Variants in AGTPBP1 observed in about 807,000 individuals in gnomAD.
AGTPBP1 encodes the protein cytosolic carboxypeptidase 1.
A neutral mutation model predicts 143.9 loss-of-function variants in AGTPBP1; 70 were observed. That is an observed-to-expected ratio of 0.49 (90% CI 0.40 to 0.59). The LOEUF (loss-of-function observed/expected upper bound fraction) is 0.59. Among genes scored for constraint, AGTPBP1 ranks in the 20% least tolerant of loss-of-function variants. AGTPBP1 has a pLI of 0.00. For missense variants in AGTPBP1, 1,229 were observed against 1,464.5 expected (o/e 0.84, Z 2.62); for synonymous variants, 463 against 500.2 (o/e 0.93, Z 0.99).
In AGTPBP1 at chr9:85,692,654, A is replaced by G. The variant is rs763018607; in HGVS notation, c.157+35T>C. 3.1e-6 allele frequency: 5 copies of G among 1,594,430 alleles called. No individual in the cohort carries two copies. In the South Asian group the frequency reaches 3.4e-5, roughly 11 times the overall value. ...GCATCCACTTTTAAAGAATTAAAAA[A>G]GCATTTCAAAAACAAAGAAGAGATC... On this transcript the variant is annotated intron_variant, in intron 3 of 25. Transcript: ENST00000357081.
At chr9:85,573,497 C>T (rs908504768) in intron 25 of AGTPBP1, among the ~76,000 whole-genome samples, 49 of 152,190 alleles carry the variant, frequency 3.2e-4, no homozygotes, top group Non-Finnish European at 5.9e-5. Flanking sequence ...CCCAAAGTGC[C>T]GAGATTGCAG....
intron 2 of AGTPBP1, among the ~76,000 whole-genome samples, chr9:85,705,217 T>TAAA (rs899175527): frequency 1.5e-5 from 2 of 131,700 alleles, no homozygotes; most frequent in Non-Finnish European, 3.3e-5. Flanking sequence ...CAAGAAACAT[T>TAAA]AAAAAAAAAA....
intron 2 of AGTPBP1, among the ~76,000 whole-genome samples, chr9:85,693,914 C>CAA (rs1836054550): frequency 6.6e-6 from 1 of 151,914 alleles, no homozygotes; most frequent in Non-Finnish European, 1.5e-5. Context: ...CAAATACTGG[C>CAA]AAAAAGAGCT....
At chr9:85,762,905 A>C in the AGTPBP1 span, among the ~76,000 whole-genome samples, 2 of 150,620 alleles carry the variant, frequency 1.3e-5, no homozygotes, top group Admixed American at 6.6e-5. Flanking sequence ...AGGGCCCAGC[A>C]AAATGAGTAC....
At chr9:85,548,773 C>A (rs1158038632) in intron 25 of AGTPBP1, among the ~76,000 whole-genome samples, 4 of 151,428 alleles carry the variant, frequency 2.6e-5, no homozygotes, top group African/African-American at 9.7e-5. Flanking sequence ...CCTCCGGGTT[C>A]AAGCAATTCT....
At chr9:85,731,452 T>G (rs975633486) in intron 1 of AGTPBP1, among the ~76,000 whole-genome samples, 3 of 152,018 alleles carry the variant, frequency 2.0e-5, no homozygotes, top group East Asian at 1.9e-4. Flanking sequence ...TTTGGTTTTT[T>G]TGTGTGTGTT....
Position 85,669,492 on chromosome 9 carries a change from G to T in AGTPBP1, c.655C>A (p.Leu219Ile). ...TTCAAAACATTTACTCACTTTATAA[G>T]ACTGGAATTCTTCTTACTAAATGGT... ...IGPFSKKNSSLIKVALDTLAA... is the reference protein window; with the variant it reads ...IGPFSKKNSSIIKVALDTLAA... The change falls in exon 8 of 26, where the codon CTT (leucine) becomes ATT (isoleucine). Residue 219 changes from leucine to isoleucine, a missense_variant. Leu to Ile is a conservative substitution (Grantham distance 5). This residue lies in a region of AGTPBP1 where 743 missense variants were observed against 812.2 expected (regional missense o/e 0.91). Transcript: ENST00000357081. 6.2e-7 allele frequency: 1 copy of T among 1,601,332 alleles called. No homozygotes were observed. The highest frequency in any genetic ancestry group is 1.1e-5 in the South Asian group (1 of 90,636).
At chr9:85,651,694 T>C (rs528085931) in intron 11 of AGTPBP1, among the ~76,000 whole-genome samples, 10 of 152,304 alleles carry the variant, frequency 6.6e-5, no homozygotes, top group Non-Finnish European at 1.0e-4. Context: ...CCTAAGAATA[T>C]GTCACCTTCA....
chr9:85,689,919 A>ATAT (rs1211749630), intron 3 of AGTPBP1, among the ~76,000 whole-genome samples: 3 of 128,488 alleles, frequency 2.3e-5, no homozygotes, highest in African/African-American at 6.4e-5. Context: ...AAAAAAAAAA[A>ATAT]AAAAAAATAT....
At chr9:85,609,677 G>T (rs1226854068) in intron 17 of AGTPBP1, among the ~76,000 whole-genome samples, 1 of 152,152 alleles carries the variant, frequency 6.6e-6, no homozygotes, top group Non-Finnish European at 1.5e-5. Context: ...AGCAAGATGG[G>T]CCTTGTGCCA....
the AGTPBP1 span, among the ~76,000 whole-genome samples, chr9:85,775,124 G>A: frequency 3.2e-4 from 49 of 152,000 alleles, no homozygotes; most frequent in African/African-American, 1.1e-3. Context: ...CCAACATGGC[G>A]AAACCCCATC....
intron 23 of AGTPBP1, among the ~76,000 whole-genome samples, chr9:85,584,192 T>C (rs1388446339): frequency 2.0e-5 from 3 of 152,158 alleles, no homozygotes; most frequent in Non-Finnish European, 4.4e-5. Flanking sequence ...ATCACTGAGC[T>C]CTACTAATCT....
chr9:85,621,269 CT>C lies in AGTPBP1; in HGVS notation c.2031del (p.Asp678IlefsTer5). 6.9e-7 allele frequency: 1 copy of C among 1,444,418 alleles called. No individual in the cohort carries two copies. Among genetic ancestry groups the C allele is most frequent in the Non-Finnish European group, 9.1e-7 (1 of 1,100,824 alleles). 89.5% of individuals were successfully genotyped at this position (1,444,418 alleles called of 1,614,324 possible). On this transcript the variant is annotated frameshift_variant, in exon 15 of 26. Transcript: ENST00000357081. LOFTEE classifies it high-confidence loss of function. ...CTCTGATGTATTAGCCTTTCAATAT[CT>C]TGAGCAATTTTTGTCCTGAAATCAT... ...PYGVQRTKIA[Q>X]DIERLIHQSD...
rs1460528722 is a variant in AGTPBP1, at chr9:85,723,348, G to T, written c.-33-10782C>A. ...GGCTCCACCCAGTTCGAGCTTCCTG[G>T]CCTCTTTGTTTACACTGTGAGCACA... On this transcript the variant is annotated intron_variant, in intron 1 of 25. Coordinates refer to ENST00000357081, the MANE Select transcript of AGTPBP1 (RefSeq NM_001330701.2). 2.0e-5 allele frequency among the ~76,000 whole-genome samples: 3 copies of T among 152,186 alleles called. No homozygotes were observed. In the East Asian group the frequency reaches 5.8e-4, roughly 29 times the overall value.
intron 11 of AGTPBP1, among the ~76,000 whole-genome samples, chr9:85,650,513 T>TA (rs1386509223): frequency 6.6e-6 from 1 of 152,188 alleles, no homozygotes. Context: ...ACACGTAACA[T>TA]AAAAAATATG....
At chr9:85,628,611 A>T (rs547777482) in intron 14 of AGTPBP1, among the ~76,000 whole-genome samples, 1 of 152,198 alleles carries the variant, frequency 6.6e-6, no homozygotes, top group Non-Finnish European at 1.5e-5. Context: ...GACGTGGATC[A>T]CTCGATTCTC....
intron 10 of AGTPBP1, among the ~76,000 whole-genome samples, chr9:85,657,083 T>C: frequency 6.6e-6 from 1 of 151,354 alleles, no homozygotes; most frequent in Non-Finnish European, 1.5e-5. Flanking sequence ...TAATGCTAGA[T>C]GACGAGTTAG....
chr9:85,786,068 T>A, the AGTPBP1 span: 1 of 1,401,044 alleles, frequency 7.1e-7, no homozygotes, highest in East Asian at 2.3e-5. Flanking sequence ...GAGGAAATAA[T>A]ATCTAATTTT....
At chr9:85,603,774 A>G (rs1361291970) in intron 17 of AGTPBP1, among the ~76,000 whole-genome samples, 1 of 152,188 alleles carries the variant, frequency 6.6e-6, no homozygotes, top group Non-Finnish European at 1.5e-5. Context: ...GGAGAGACCC[A>G]GGCCTGACAG....
Sources: allele counts gnomAD v4.1 joint callset (sites outside exome capture counted in the v4.1 genomes callset), GRCh38; gene constraint gnomAD v4.1.1; regional missense constraint gnomAD v4.1.1; transcripts MANE v1.5; gene names NCBI Gene and HGNC (gene_info 2026-07-23, HGNC 2026-07-21).